Variants in COMMD10 observed in about 807,000 individuals in gnomAD.
The protein encoded by COMMD10 is COMM domain containing 10.
In COMMD10, 33 loss-of-function variants were observed where a neutral mutation model predicts 28.9. The ratio of observed to expected loss-of-function variants is 1.14; its 90% CI spans 0.87 to 1.53. The LOEUF is 1.53. COMMD10 is among the 40% of genes most tolerant of loss of function. The pLI is 0.00. For missense variants in COMMD10, 310 were observed against 233.4 expected (o/e 1.33, Z -2.14); for synonymous variants, 110 against 81.7 (o/e 1.35, Z -1.87).
intron 5 of COMMD10, among the ~76,000 whole-genome samples, chr5:116,283,513 A>G (rs954306661): frequency 6.6e-6 from 1 of 151,366 alleles, no homozygotes; most frequent in African/African-American, 2.4e-5. Context: ...CGCCCAGCTA[A>G]TTTTTGTATT....
intron 5 of COMMD10, among the ~76,000 whole-genome samples, chr5:116,141,228 T>C (rs1752186788): frequency 6.6e-6 from 1 of 151,858 alleles, no homozygotes; most frequent in African/African-American, 2.4e-5. Context: ...GAAAAATTAA[T>C]TGAACATGTA....
chr5:116,279,616 A>G (rs1048238350), intron 5 of COMMD10, among the ~76,000 whole-genome samples: 2 of 151,852 alleles, frequency 1.3e-5, no homozygotes, highest in Non-Finnish European at 2.9e-5. Context: ...ATAATTATGT[A>G]GTATATTCAC....
chr5:116,236,023 G>C (rs10077356), intron 5 of COMMD10, among the ~76,000 whole-genome samples: 55,485 of 151,788 alleles, frequency 0.37, 12,427 homozygotes, highest in African/African-American at 0.64. Context: ...TTTTATTTGC[G>C]GCATTATGTT....
intron 5 of COMMD10, among the ~76,000 whole-genome samples, chr5:116,152,009 C>A (rs1422545520): frequency 6.6e-6 from 1 of 152,038 alleles, no homozygotes; most frequent in Non-Finnish European, 1.5e-5. Flanking sequence ...TATAAATTTC[C>A]CTCTACACAC....
At chr5:116,187,410 A>G (rs1252983889) in intron 5 of COMMD10, among the ~76,000 whole-genome samples, 1 of 152,138 alleles carries the variant, frequency 6.6e-6, no homozygotes, top group Non-Finnish European at 1.5e-5. Flanking sequence ...ATACATATGT[A>G]TAGAGATTGC....
chr5:116,087,489 T>G lies in COMMD10; in HGVS notation c.42-8T>G, dbSNP rs770867874. 4 of 1,569,180 alleles carry G rather than the reference T, an allele frequency of 2.5e-6. No homozygotes were observed. The highest frequency in any genetic ancestry group is 3.3e-5 in the Admixed American group (2 of 59,926). On this transcript the variant is annotated splice_region_variant and splice_polypyrimidine_tract_variant and intron_variant, in intron 1 of 6. Transcript: ENST00000274458. ...CATTTCAAAACTCTGTTTTATAATT[T>G]TGTTTAGCATGAAGAAAGCAGTGTC...
chr5:116,204,489 G>A (rs566528975), intron 5 of COMMD10, among the ~76,000 whole-genome samples: 3 of 151,380 alleles, frequency 2.0e-5, no homozygotes, highest in Non-Finnish European at 4.4e-5. Flanking sequence ...GTTCCTGATG[G>A]TACTGAATAT....
chr5:116,140,387 A>T (rs1178438228), intron 5 of COMMD10, among the ~76,000 whole-genome samples: 1 of 151,768 alleles, frequency 6.6e-6, no homozygotes, highest in Non-Finnish European at 1.5e-5. Flanking sequence ...TAATGCTGCA[A>T]CAAACATGGG....
In COMMD10 at chr5:116,183,683, A is replaced by G. The variant is rs183797720; in HGVS notation, c.510+49505A>G. On this transcript the variant is annotated intron_variant, in intron 5 of 6. Transcript: ENST00000274458. ...TATTCACTGCACTTAGCACACTGAC[A>G]CAGAGTAACCATTTAATAAATACTT... 2.1e-4 allele frequency among the ~76,000 whole-genome samples: 32 copies of G among 152,256 alleles called. 1 individual carries two copies. The highest frequency in any genetic ancestry group is 8.5e-4 in the Admixed American group (13 of 15,280).
intron 5 of COMMD10, among the ~76,000 whole-genome samples, chr5:116,167,050 T>C (rs1271353319): frequency 6.6e-6 from 1 of 151,888 alleles, no homozygotes; most frequent in Non-Finnish European, 1.5e-5. Flanking sequence ...AACAAACTTC[T>C]CCGAGCTAAA....
At position 116,229,855 on chromosome 5, in the gene COMMD10, C is replaced by T. The variant is rs142447723; in HGVS notation, c.511-61662C>T. Among the ~76,000 whole-genome samples the T allele has an allele frequency of 7.2e-3, 1,090 of 151,858 alleles. 18 individuals carry two copies. The highest frequency in any genetic ancestry group is 0.025 in the African/African-American group (1,045 of 41,430). ...TCTTTGGTTATTTAAGATGAAAAAA[C>T]CCCCAGCAATTTAAATGGTATTTAT... On this transcript the variant is annotated intron_variant, in intron 5 of 6. Coordinates refer to ENST00000274458, the MANE Select transcript of COMMD10 (RefSeq NM_016144.4).
At chr5:116,146,355 A>T (rs1752350019) in intron 5 of COMMD10, among the ~76,000 whole-genome samples, 1 of 151,998 alleles carries the variant, frequency 6.6e-6, no homozygotes, top group Middle Eastern at 3.4e-3. Flanking sequence ...CAGTGATACT[A>T]TATCCAGAAA....
chr5:116,212,664 TG>T (rs1748998259), intron 5 of COMMD10, among the ~76,000 whole-genome samples: 2 of 152,122 alleles, frequency 1.3e-5, no homozygotes, highest in Non-Finnish European at 2.9e-5. Flanking sequence ...GACATTTTAT[TG>T]AAATTAAATA....
chr5:116,136,405 C>A (rs1242612490), intron 5 of COMMD10, among the ~76,000 whole-genome samples: 1 of 152,142 alleles, frequency 6.6e-6, no homozygotes, highest in Non-Finnish European at 1.5e-5. Context: ...TTTTATTTTT[C>A]GTGACTACCT....
At chr5:116,262,618 A>G (rs1435517363) in intron 5 of COMMD10, among the ~76,000 whole-genome samples, 1 of 151,858 alleles carries the variant, frequency 6.6e-6, no homozygotes, top group Non-Finnish European at 1.5e-5. Flanking sequence ...AAAGTGAATT[A>G]TTTTGTAAGT....
intron 5 of COMMD10, among the ~76,000 whole-genome samples, chr5:116,169,943 C>T (rs1477735077): frequency 6.6e-6 from 1 of 152,084 alleles, no homozygotes; most frequent in East Asian, 1.9e-4. Context: ...CAGCGATGCC[C>T]TCTCTCACCA....
intron 5 of COMMD10, among the ~76,000 whole-genome samples, chr5:116,201,807 G>A (rs961666128): frequency 6.6e-6 from 1 of 152,208 alleles, no homozygotes; most frequent in African/African-American, 2.4e-5. Context: ...TTTATCCAAA[G>A]TTACACACCC....
At chr5:116,126,177 G>T (rs1421316972) in intron 4 of COMMD10, among the ~76,000 whole-genome samples, 1 of 152,168 alleles carries the variant, frequency 6.6e-6, no homozygotes, top group Non-Finnish European at 1.5e-5. Flanking sequence ...ATTCACAATT[G>T]CTTCAAAGAG....
intron 5 of COMMD10, among the ~76,000 whole-genome samples, chr5:116,226,254 A>G (rs771020145): frequency 3.8e-4 from 58 of 152,012 alleles, no homozygotes; most frequent in African/African-American, 5.6e-4. Context: ...TCAGTTTTTC[A>G]GCATGATCAG....
Sources: gnomAD v4.1 joint callset for allele counts (sites outside exome capture counted in the v4.1 genomes callset) on GRCh38, gnomAD v4.1.1 for gene constraint, MANE v1.5 for transcripts, NCBI Gene and HGNC (gene_info 2026-07-23, HGNC 2026-07-21) for gene names.